ARAP1: variants seen among roughly 807,000 people sequenced by gnomAD.
ARAP1 encodes arf-GAP with Rho-GAP domain, ANK repeat and PH domain-containing protein 1.
In ARAP1, 76 loss-of-function variants were observed where a neutral mutation model predicts 172.2. That is an observed-to-expected ratio of 0.44 (90% confidence interval 0.37 to 0.53). ARAP1 has a LOEUF of 0.53. Among genes scored for constraint, ARAP1 ranks in the 20% least tolerant of loss-of-function variants. The pLI is 0.00. For synonymous variants in ARAP1, 804 were observed against 803.3 expected (o/e 1.00, Z -0.01); for missense variants, 1,686 against 1,977.5 (o/e 0.85, Z 2.80).
In ARAP1 at chr11:72,699,030, T is replaced by C. The variant is rs746581393; in HGVS notation, c.2516A>G (p.His839Arg). The part of the protein sequence containing the change: ...LFGLESAEQA[H>R]EWVKCIAKAF... ...CTTAGCAATACACTTGACCCACTCA[T>C]GAGCCTGCTCCGCACTCTCCAGCCC... The change falls in exon 18 of 35, where the codon CAT (histidine) becomes CGT (arginine). Residue 839 changes from histidine (H) to arginine (R), a missense_variant. Physicochemically the swap from His to Arg is conservative, Grantham distance 29. Transcript: ENST00000393609. This position sits in a 1 kb window ranked among gnomAD's most constrained non-coding sequence, Gnocchi z 4.2. The C allele has an allele frequency of 6.2e-7, 1 of 1,614,154 alleles. No homozygotes were observed. The highest frequency in any genetic ancestry group is 8.5e-7 in the Non-Finnish European group (1 of 1,180,034).
rs908217536 is a variant in ARAP1 at position 72,703,315 on chromosome 11, C to T, written c.1993-236G>A. The T allele has an allele frequency of 3.8e-5, 16 of 425,154 alleles. No homozygotes were observed. In the East Asian group the frequency reaches 5.0e-4, roughly 13 times the overall value. 26.3% of individuals were successfully genotyped at this position (425,154 alleles called of 1,614,324 possible). On this transcript the variant is annotated intron_variant, in intron 14 of 34. Transcript: ENST00000393609. ...CAGAGGCCAGGGGATCCCAGCTGCC[C>T]GGGGCCTCACCCCTGCTGGCTGCCT...
intron 16 of ARAP1, 91 bp downstream of exon 16, chr11:72,701,558 G>A: frequency 1.3e-6 from 2 of 1,506,652 alleles, no homozygotes; most frequent in Non-Finnish European, 1.8e-6. Flanking sequence ...GACTCTGCCA[G>A]AGTCCACCAG....
intron 12 of ARAP1, among the ~76,000 whole-genome samples, chr11:72,706,965 C>T (rs1308644811): frequency 6.6e-6 from 1 of 152,190 alleles, no homozygotes; most frequent in Admixed American, 6.5e-5. Context: ...CCTGTGCCTC[C>T]GTGTCCCCAC....
chr11:72,716,485 G>A (rs537958109), intron 3 of ARAP1, among the ~76,000 whole-genome samples: 1 of 152,386 alleles, frequency 6.6e-6, no homozygotes, highest in South Asian at 2.1e-4. Context: ...TGGCAGCATG[G>A]CCTGTGGAGG....
intron 34 of ARAP1, 105 bp from the exon 35 acceptor site, chr11:72,685,786 G>T: frequency 6.7e-7 from 1 of 1,499,140 alleles, no homozygotes; most frequent in Non-Finnish European, 9.3e-7. Context: ...CTGCCAGCCG[G>T]GGAGCACTCC....
At chr11:72,712,369 G>C in intron 6 of ARAP1, 30 bp from the exon 7 acceptor site, 2 of 1,541,212 alleles carry the variant, frequency 1.3e-6, no homozygotes, top group Non-Finnish European at 1.8e-6. Flanking sequence ...TGGGGGGCCG[G>C]GCTGAGGAGG....
chr11:72,721,992 C>T (rs565752510), intron 3 of ARAP1: 7 of 985,962 alleles, frequency 7.1e-6, no homozygotes, highest in African/African-American at 3.5e-5. Context: ...TGGCCCCTGG[C>T]CCCTGGGTGG....
At chr11:72,743,419 C>A (rs895437937) in intron 1 of ARAP1, among the ~76,000 whole-genome samples, 2 of 151,890 alleles carry the variant, frequency 1.3e-5, no homozygotes, top group Admixed American at 1.3e-4. Flanking sequence ...TGAGCCACAG[C>A]AGCTGTGGCT....
intron 1 of ARAP1, among the ~76,000 whole-genome samples, chr11:72,735,150 T>G (rs1288619513): frequency 1.3e-5 from 2 of 152,028 alleles, no homozygotes; most frequent in Non-Finnish European, 2.9e-5. Context: ...CCGGCTAATT[T>G]TTCCATTTTT....
At chr11:72,714,044 G>T in intron 4 of ARAP1, 108 bp downstream of exon 4, 1 of 1,234,860 alleles carries the variant, frequency 8.1e-7, no homozygotes, top group Non-Finnish European at 1.1e-6. Context: ...TGGGCTGGTG[G>T]CAGGCTTGCA....
In ARAP1 at chr11:72,693,459, C is replaced by T. The variant is rs148308999; in HGVS notation, c.3820G>A (p.Gly1274Ser). The change falls in exon 29 of 35, where the codon GGT (glycine) becomes AGT (serine). Residue 1274 changes from glycine (G) to serine (S), a missense_variant. By Grantham distance (56) the Gly-to-Ser change is moderately conservative. Transcript: ENST00000393609. The surrounding 1 kb of genome is among the most constrained non-coding windows in gnomAD (Gnocchi z 4.6). ...AMLLYLASRV[G>S]DTKHGMMKFR... ...TTCATCATGCCATGCTTGGTGTCAC[C>T]GACACGGCTGGCTGGGGGGTGGGAC... The T allele has an allele frequency of 5.5e-5, 89 of 1,612,870 alleles. No individual in the cohort carries two copies. The highest frequency in any genetic ancestry group is 5.9e-5 in the Non-Finnish European group (70 of 1,179,262).
chr11:72,685,534 G>A lies in ARAP1; in HGVS notation c.*130C>T, dbSNP rs894104604. ...AACCCCATGCTGCAGTCAGGATGGA[G>A]GATGTGGGTTGTGGGGTGCAGTTTC... On this transcript the variant is annotated 3_prime_UTR_variant, in exon 35 of 35. Coordinates refer to ENST00000393609, the MANE Select transcript of ARAP1 (RefSeq NM_001040118.3). 7.5e-5 allele frequency: 97 copies of A among 1,298,222 alleles called. No individual in the cohort carries two copies. The Admixed American group carries it at 1.6e-3, about 21-fold the overall frequency. 80.4% of individuals were successfully genotyped at this position (1,298,222 alleles called of 1,614,324 possible). A position where few individuals can be genotyped will look rare whatever the true frequency, so the allele number is the denominator to read the frequency against.
chr11:72,708,174 A>G (rs1856850024), intron 11 of ARAP1: 1 of 151,958 alleles, frequency 6.6e-6, no homozygotes, highest in African/African-American at 2.4e-5. Flanking sequence ...CCCATGACCC[A>G]TTGCCACAAC....
chr11:72,726,616 T>C lies in ARAP1; in HGVS notation c.509+4A>G. 6.7e-7 allele frequency: 1 copy of C among 1,499,274 alleles called. No homozygotes were observed. Among genetic ancestry groups the C allele is most frequent in the South Asian group, 1.3e-5 (1 of 76,144 alleles). The allele number at this position is 1,499,274 out of a possible 1,614,324, so 92.9% of individuals were successfully genotyped here. A position where few individuals can be genotyped will look rare whatever the true frequency, so the allele number is the denominator to read the frequency against. Reference sequence around the variant, plus strand: ...GCCTCCCACCCTGGGTGGCATCCACTCACCTCACCAGCAGGCGGGGGGGTC... The same window carrying C: ...GCCTCCCACCCTGGGTGGCATCCACCCACCTCACCAGCAGGCGGGGGGGTC... On this transcript the variant is annotated splice_donor_region_variant and intron_variant, in intron 3 of 34. Transcript: ENST00000393609. The surrounding 1 kb of genome is among the most constrained non-coding windows in gnomAD (Gnocchi z 6.5).
chr11:72,745,138 C>T (rs1858315251), intron 1 of ARAP1, among the ~76,000 whole-genome samples: 1 of 151,192 alleles, frequency 6.6e-6, no homozygotes, highest in Non-Finnish European at 1.5e-5. Flanking sequence ...TGGGAACAAA[C>T]TTGCATTTAA....
At chr11:72,720,258 C>T (rs898126857) in intron 3 of ARAP1, among the ~76,000 whole-genome samples, 9 of 152,198 alleles carry the variant, frequency 5.9e-5, no homozygotes, top group African/African-American at 2.2e-4. Context: ...CTTCCTCAAT[C>T]ATGCTCTGGA....
intron 22 of ARAP1, 41 bp downstream of exon 22, chr11:72,696,942 G>C (rs1856223037): frequency 6.4e-7 from 1 of 1,571,592 alleles, no homozygotes; most frequent in Non-Finnish European, 8.6e-7. Flanking sequence ...CGGAGGGATG[G>C]GTGGAGGAGG....
At chr11:72,717,478 C>T (rs139896261) in intron 3 of ARAP1, among the ~76,000 whole-genome samples, 2 of 152,176 alleles carry the variant, frequency 1.3e-5, no homozygotes, top group Admixed American at 6.5e-5. Flanking sequence ...CCTGCTCGTC[C>T]GCATCCCTGG....
chr11:72,693,542 A>G lies in ARAP1; in HGVS notation c.3809-72T>C. On this transcript the variant is annotated intron_variant, in intron 28 of 34. Transcript: ENST00000393609. This position sits in a 1 kb window ranked among gnomAD's most constrained non-coding sequence, Gnocchi z 4.6. ...CGGGGCTGGGTCCCAGGATGAAGGA[A>G]GCTGCCCCATCCTGCCCCAGCCTCT... 1.3e-6 allele frequency: 2 copies of G among 1,567,086 alleles called. No homozygotes were observed. Among genetic ancestry groups the G allele is most frequent in the Non-Finnish European group, 1.7e-6 (2 of 1,153,552 alleles).
Sources: gnomAD v4.1 joint callset for allele counts (sites outside exome capture counted in the v4.1 genomes callset) on GRCh38, gnomAD v4.1.1 for gene constraint, Gnocchi (gnomAD v3.1) non-coding constraint, MANE v1.5 for transcripts, NCBI Gene and HGNC (gene_info 2026-07-23, HGNC 2026-07-21) for gene names.